Variants in MCOLN2 observed in about 807,000 individuals in gnomAD.
MCOLN2 encodes the protein mucolipin TRP cation channel 2.
A neutral mutation model predicts 67.5 loss-of-function variants in MCOLN2; 57 were observed. The ratio of observed to expected loss-of-function variants is 0.84; its 90% CI spans 0.68 to 1.05. MCOLN2 has a LOEUF of 1.05. MCOLN2 is among the 50% of genes least tolerant of loss of function. The probability of loss-of-function intolerance (pLI) is 0.00; values close to 1 mark genes in which losing one functional copy is unlikely to be tolerated. For synonymous variants in MCOLN2, 246 were observed against 233.3 expected (o/e 1.05, Z -0.50); for missense variants, 620 against 678.8 (o/e 0.91, Z 0.96).
chr1:84,974,954 TGGA>T (rs1649922860), intron 1 of MCOLN2, among the ~76,000 whole-genome samples: 1 of 152,154 alleles, frequency 6.6e-6, no homozygotes, highest in African/African-American at 2.4e-5. Flanking sequence ...CCTCTGCTTT[TGGA>T]GGAGGGGAGG....
At chr1:84,987,609 T>TA (rs1557666092) in intron 1 of MCOLN2, among the ~76,000 whole-genome samples, 27 of 117,662 alleles carry the variant, frequency 2.3e-4, no homozygotes, top group Non-Finnish European at 1.9e-4. Context: ...TAGATGTATA[T>TA]CAATCTATAT....
intron 1 of MCOLN2, among the ~76,000 whole-genome samples, chr1:84,975,467 A>G (rs962794951): frequency 6.6e-6 from 1 of 152,206 alleles, no homozygotes; most frequent in Admixed American, 6.5e-5. Context: ...GAACCACAGC[A>G]TTACTAGGCT....
Position 84,952,262 on chromosome 1 carries a change from C to T in MCOLN2, c.728G>A (p.Cys243Tyr), listed in dbSNP as rs1333828823. The T allele has an allele frequency of 1.2e-6, 2 of 1,611,306 alleles. No individual in the cohort carries two copies. Among genetic ancestry groups the T allele is most frequent in the African/African-American group, 1.3e-5 (1 of 74,776 alleles). Residue 243 changes from cysteine (C) to tyrosine (Y), a missense_variant, in exon 6 of 14, where the codon TGT (cysteine) becomes TAT (tyrosine). By Grantham distance (194) the Cys-to-Tyr change is radical. Coordinates refer to ENST00000370608, the MANE Select transcript of MCOLN2 (RefSeq NM_153259.4). ...ACTTGCCGTATTCTGAAAGACATAA[C>T]AGTCTGGTAACTCACGGGAATGAAT... is the stretch of plus-strand genomic sequence containing the variant. ...QTIHSRELPD[C>Y]YVFQNTIIFD...
chr1:84,937,546 T>A, intron 11 of MCOLN2: 1 of 1,265,278 alleles, frequency 7.9e-7, no homozygotes, highest in African/African-American at 1.5e-5. Flanking sequence ...ACATGCTTTC[T>A]AGTATTGTAC....
intron 1 of MCOLN2, among the ~76,000 whole-genome samples, chr1:84,988,171 A>G (rs1223634831): frequency 6.6e-6 from 1 of 152,072 alleles, no homozygotes. Flanking sequence ...TCCATTCTCC[A>G]TCTTGGGTGC....
intron 7 of MCOLN2, 131 bp downstream of exon 7, chr1:84,946,902 T>C: frequency 3.5e-6 from 2 of 578,156 alleles, no homozygotes; most frequent in Non-Finnish European, 6.2e-6. Flanking sequence ...GGATATTCTT[T>C]ACAGGATCTA....
At chr1:84,928,712 T>C (rs569878990) in intron 13 of MCOLN2, among the ~76,000 whole-genome samples, 12 of 152,192 alleles carry the variant, frequency 7.9e-5, no homozygotes, top group Non-Finnish European at 1.8e-4. Context: ...ACAACTCTTC[T>C]CAGATCTCAT....
At position 84,956,597 on chromosome 1, in the gene MCOLN2, A is replaced by T. The variant is rs1648808150; in HGVS notation, c.412-13T>A. 6.4e-7 allele frequency: 1 copy of T among 1,569,388 alleles called. No homozygotes were observed. On this transcript the variant is annotated splice_polypyrimidine_tract_variant and intron_variant, in intron 3 of 13. Transcript: ENST00000370608. ...TTAGCTGATGATACTATTAAAAAAT[A>T]GTCAAGTAAAAACCACATATGACCT...
At chr1:84,956,345 T>A (rs1648789622) in intron 4 of MCOLN2, 86 bp downstream of exon 4, 1 of 1,405,370 alleles carries the variant, frequency 7.1e-7, no homozygotes, top group Admixed American at 2.1e-5. Context: ...AGCAAAGTTT[T>A]TCCATCTGGG....
intron 1 of MCOLN2, among the ~76,000 whole-genome samples, chr1:84,973,376 G>A (rs513430): frequency 0.49 from 74,702 of 151,902 alleles, 18,596 homozygotes; most frequent in East Asian, 0.65. Context: ...TACTCGGGAG[G>A]CAGAGGTAGT....
At chr1:84,969,959 T>A (rs777248817) in intron 1 of MCOLN2, among the ~76,000 whole-genome samples, 1 of 152,164 alleles carries the variant, frequency 6.6e-6, no homozygotes, top group Non-Finnish European at 1.5e-5. Context: ...GGCATGTGAC[T>A]GGGCGCATTG....
At chr1:84,986,780 A>C (rs531914306) in intron 1 of MCOLN2, among the ~76,000 whole-genome samples, 1 of 152,316 alleles carries the variant, frequency 6.6e-6, no homozygotes, top group Non-Finnish European at 1.5e-5. Context: ...ATACGAAAAA[A>C]TGCTCAACAT....
At chr1:84,985,678 C>T (rs1650471189) in intron 1 of MCOLN2, among the ~76,000 whole-genome samples, 1 of 152,082 alleles carries the variant, frequency 6.6e-6, no homozygotes, top group African/African-American at 2.4e-5. Context: ...GAACTCAACC[C>T]CTTTCACAAC....
intron 1 of MCOLN2, among the ~76,000 whole-genome samples, chr1:84,987,287 A>T (rs900951965): frequency 6.9e-6 from 1 of 145,734 alleles, no homozygotes; most frequent in Non-Finnish European, 1.5e-5. Context: ...ATCTATATAC[A>T]TATGCCATGT....
chr1:84,979,864 T>A (rs1650170245), intron 1 of MCOLN2, among the ~76,000 whole-genome samples: 1 of 152,108 alleles, frequency 6.6e-6, no homozygotes, highest in Non-Finnish European at 1.5e-5. Flanking sequence ...GTATCCAAAT[T>A]GGAAAGGAAG....
intron 3 of MCOLN2, 76 bp from the exon 4 acceptor site, chr1:84,956,660 T>C: frequency 8.4e-7 from 1 of 1,193,168 alleles, no homozygotes; most frequent in Non-Finnish European, 1.2e-6. Flanking sequence ...ATATAGAATG[T>C]ACTTTCAGTT....
intron 12 of MCOLN2, among the ~76,000 whole-genome samples, chr1:84,930,271 A>T (rs925517475): frequency 1.6e-4 from 23 of 139,706 alleles, no homozygotes; most frequent in African/African-American, 6.0e-4. Flanking sequence ...TCTTTTTTTA[A>T]AAAAAAAAAA....
chr1:84,959,485 C>T (rs1474051647), intron 2 of MCOLN2, among the ~76,000 whole-genome samples: 1 of 152,170 alleles, frequency 6.6e-6, no homozygotes, highest in Non-Finnish European at 1.5e-5. Flanking sequence ...GGAAATTAGT[C>T]AGCACCAAAA....
At chr1:84,927,666 C>G (rs535664455) in intron 13 of MCOLN2, among the ~76,000 whole-genome samples, 71 of 152,364 alleles carry the variant, frequency 4.7e-4, no homozygotes, top group Admixed American at 9.1e-4. Flanking sequence ...CAGGTGTCAT[C>G]TGTCATGGTC....
Sources: gnomAD v4.1 joint callset for allele counts (sites outside exome capture counted in the v4.1 genomes callset) on GRCh38, gnomAD v4.1.1 for gene constraint, MANE v1.5 for transcripts, NCBI Gene and HGNC (gene_info 2026-07-23, HGNC 2026-07-21) for gene names.